NDUFA9: variants seen among roughly 807,000 people sequenced by gnomAD.
NDUFA9 encodes NADH dehydrogenase [ubiquinone] 1 alpha subcomplex subunit 9, mitochondrial.
A neutral mutation model predicts 45.9 loss-of-function variants in NDUFA9; 23 were observed. The observed-to-expected ratio is 0.50, with a 90% confidence interval of 0.36 to 0.71. The LOEUF (loss-of-function observed/expected upper bound fraction) is 0.71, where lower values mean the gene tolerates loss of function less well. NDUFA9 is among the 30% of genes least tolerant of loss of function. The pLI, the probability that NDUFA9 is intolerant of heterozygous loss-of-function variation, is 0.00. For synonymous variants in NDUFA9, 176 were observed against 170.5 expected, an observed-to-expected ratio of 1.03 and a Z score of -0.25; for missense variants, 466 against 488.2, an observed-to-expected ratio of 0.95 and a Z score of 0.43.
intron 10 of NDUFA9, among the ~76,000 whole-genome samples, chr12:4,686,184 A>C (rs2137489650): frequency 6.6e-6 from 1 of 152,364 alleles, no homozygotes; most frequent in East Asian, 1.9e-4. Flanking sequence ...TTTGGTTTGC[A>C]GACTGGCTTA....
rs997667964 is a variant in NDUFA9, at chr12:4,673,790, A to G, written c.800+3973A>G. Among the ~76,000 whole-genome samples the G allele has an allele frequency of 5.9e-5, 9 of 152,222 alleles. No individual in the cohort carries two copies. In the East Asian group the frequency reaches 1.7e-3, roughly 29 times the overall value. ...ACTTCCCCAACTAGCAAGGCAGGCC[A>G]ACATTCAAATTCAGGAAATACAGAG... On this transcript the variant is annotated intron_variant, in intron 8 of 10. Transcript: ENST00000266544.
At chr12:4,669,956 A>G in intron 8 of NDUFA9, 139 bp downstream of exon 8, 1 of 670,034 alleles carries the variant, frequency 1.5e-6, no homozygotes, top group Non-Finnish European at 2.6e-6. Flanking sequence ...TCAGAATTTG[A>G]GGGAACCTGG....
chr12:4,668,770 A>T (rs1452103706), intron 7 of NDUFA9: 4 of 475,434 alleles, frequency 8.4e-6, no homozygotes, highest in African/African-American at 3.9e-5. Context: ...GTCACTAGGG[A>T]AATAAAGATA....
chr12:4,655,777 A>T (rs191598247), intron 3 of NDUFA9: 1 of 152,270 alleles, frequency 6.6e-6, no homozygotes, highest in East Asian at 1.9e-4. Context: ...CAGGGGAAAG[A>T]GGGTAGAGGA....
At chr12:4,669,915 A>G in intron 8 of NDUFA9, 98 bp downstream of exon 8, 1 of 909,456 alleles carries the variant, frequency 1.1e-6, no homozygotes, top group Non-Finnish European at 1.8e-6. Context: ...CACTTTTACA[A>G]TATCAAAATC....
In NDUFA9 at chr12:4,676,860, A is replaced by C. The variant is rs368876704; in HGVS notation, c.801-5345A>C. 1.5e-4 allele frequency among the ~76,000 whole-genome samples: 23 copies of C among 152,346 alleles called. 1 individual carries two copies. The East Asian group carries it at 3.3e-3, about 22-fold the overall frequency. On this transcript the variant is annotated intron_variant, in intron 8 of 10. Transcript: ENST00000266544. The stretch of plus-strand genomic sequence containing the variant: ...ATAGCCAAGACAATCCTAAGCAAAA[A>C]GAACAAAGCTGGAGGCATCATGCTA...
At chr12:4,667,344 T>C (rs1482442616) in intron 6 of NDUFA9, among the ~76,000 whole-genome samples, 1 of 152,188 alleles carries the variant, frequency 6.6e-6, no homozygotes, top group Non-Finnish European at 1.5e-5. Context: ...ATCCTAACAA[T>C]ATTAAGTCTT....
At chr12:4,681,617 T>A (rs1945952974) in intron 8 of NDUFA9, among the ~76,000 whole-genome samples, 1 of 149,364 alleles carries the variant, frequency 6.7e-6, no homozygotes, top group South Asian at 2.1e-4. Context: ...ATCTAAAATG[T>A]TATATACTTA....
rs752731343 is a variant in NDUFA9 at position 4,669,757 on chromosome 12, A to G, written c.740A>G (p.Lys247Arg). The G allele has an allele frequency of 2.5e-6, 4 of 1,609,752 alleles. No homozygotes were observed. Among genetic ancestry groups the G allele is most frequent in the South Asian group, 1.1e-5 (1 of 90,978 alleles). Residue 247 changes from lysine to arginine, a missense_variant, in exon 8 of 11, where the codon AAA becomes AGA. Transcript: ENST00000266544. ...TTCTTACAGGTCGTAGATGTATCCA[A>G]AGGAATTGTTAATGCAGTTAAGGAT... The part of the protein sequence containing the change: ...KQPVYVVDVS[K>R]GIVNAVKDPD...
intron 9 of NDUFA9, among the ~76,000 whole-genome samples, chr12:4,684,068 C>T (rs543620307): frequency 6.6e-6 from 1 of 152,272 alleles, no homozygotes; most frequent in Admixed American, 6.5e-5. Flanking sequence ...ACATGGCCCA[C>T]TGAGGACACT....
intron 4 of NDUFA9, among the ~76,000 whole-genome samples, chr12:4,658,667 A>T (rs757661280): frequency 1.3e-4 from 20 of 152,234 alleles, no homozygotes; most frequent in Non-Finnish European, 2.2e-4. Flanking sequence ...TCTAACTTAA[A>T]GTAGTCCTTA....
intron 8 of NDUFA9, among the ~76,000 whole-genome samples, chr12:4,680,329 T>G (rs1945944979): frequency 6.6e-6 from 1 of 152,204 alleles, no homozygotes; most frequent in South Asian, 2.1e-4. Context: ...AGAAGGCACA[T>G]GTTTGGGTCA....
intron 6 of NDUFA9, among the ~76,000 whole-genome samples, chr12:4,663,468 C>T (rs910826012): frequency 6.6e-6 from 1 of 152,010 alleles, no homozygotes; most frequent in Non-Finnish European, 1.5e-5. Context: ...AGGGTGAGGT[C>T]GTAATTCAGT....
intron 7 of NDUFA9, 149 bp downstream of exon 7, chr12:4,668,673 G>A: frequency 1.5e-6 from 1 of 686,382 alleles, no homozygotes; most frequent in South Asian, 1.8e-5. Context: ...TACTTAAGAG[G>A]TACATGCCTT....
intron 8 of NDUFA9, among the ~76,000 whole-genome samples, chr12:4,674,486 C>T (rs1160776320): frequency 6.6e-6 from 1 of 152,006 alleles, no homozygotes; most frequent in African/African-American, 2.4e-5. Context: ...GGAATATTTA[C>T]CAAGCAAATG....
chr12:4,649,163 C>T lies in NDUFA9; in HGVS notation c.37C>T (p.Leu13=). The change falls in exon 1 of 11, where the codon CTG becomes TTG. Residue 13 remains leucine, a synonymous_variant. Transcript: ENST00000266544. ...AAAQSRVVRV[L]SMSRSAITAI... is the part of the protein sequence containing the mutation. ...CGCACAATCCCGGGTTGTCCGGGTC[C>T]TGTCAATGTCACGTAAGTGTTACCG... 6.2e-7 allele frequency: 1 copy of T among 1,605,058 alleles called. No homozygotes were observed. The highest frequency in any genetic ancestry group is 8.5e-7 in the Non-Finnish European group (1 of 1,176,034).
intron 8 of NDUFA9, among the ~76,000 whole-genome samples, chr12:4,679,543 C>G (rs1945940417): frequency 6.6e-6 from 1 of 151,938 alleles, no homozygotes; most frequent in South Asian, 2.1e-4. Context: ...GGAAAGAAAA[C>G]CAGAAGGAGG....
intron 8 of NDUFA9, among the ~76,000 whole-genome samples, chr12:4,676,537 A>G (rs904695522): frequency 6.6e-6 from 1 of 152,240 alleles, no homozygotes; most frequent in Non-Finnish European, 1.5e-5. Context: ...GTGAACTTTC[A>G]TTCACAATTG....
At position 4,687,025 on chromosome 12, in the gene NDUFA9, G is replaced by A. The variant is rs369354748; in HGVS notation, c.1051G>A (p.Glu351Lys). 4 of 1,614,194 alleles carry A rather than the reference G, an allele frequency of 2.5e-6. No individual in the cohort carries two copies. The highest frequency in any genetic ancestry group is 3.4e-6 in the Non-Finnish European group (4 of 1,180,042). Residue 351 changes from glutamate to lysine, a missense_variant, in exon 11 of 11, where the codon GAG (glutamate) becomes AAG (lysine). Coordinates refer to ENST00000266544, the MANE Select transcript of NDUFA9 (RefSeq NM_005002.5). ...AACACCACTGGAACTCAAGGCCATT[G>A]AGGTGCTGCGGCGTCATCGCACTTA... ...QATPLELKAI[E>K]VLRRHRTYRW...
Sources: gnomAD v4.1 joint callset for allele counts (sites outside exome capture counted in the v4.1 genomes callset) on GRCh38, gnomAD v4.1.1 for gene constraint, MANE v1.5 for transcripts, NCBI Gene and HGNC (gene_info 2026-07-23, HGNC 2026-07-21) for gene names.